Variants in CRACD observed in about 807,000 individuals in gnomAD.
CRACD encodes capping protein-inhibiting regulator of actin dynamics.
In CRACD, 56 loss-of-function variants were observed where a neutral mutation model predicts 106.8. The observed-to-expected ratio is 0.52, with a 90% CI of 0.42 to 0.66. The LOEUF (loss-of-function observed/expected upper bound fraction) is 0.66. Ranked by LOEUF, CRACD falls within the 30% of genes least tolerant of loss-of-function variation. The pLI, the probability that CRACD is intolerant of heterozygous loss-of-function variation, is 0.00. For missense variants in CRACD, 1,730 were observed against 1,623.2 expected, an observed-to-expected ratio of 1.07 and a Z score of -1.13; for synonymous variants, 754 against 670.8, an observed-to-expected ratio of 1.12 and a Z score of -1.92.
At chr4:56,323,866 T>C (rs1348565152) in intron 9 of CRACD, among the ~76,000 whole-genome samples, 1 of 152,360 alleles carries the variant, frequency 6.6e-6, no homozygotes, top group East Asian at 1.9e-4. Context: ...CCAGATGTTA[T>C]AGTCAGTTTG....
chr4:56,184,996 G>A (rs867496644), intron 2 of CRACD, among the ~76,000 whole-genome samples: 2 of 152,050 alleles, frequency 1.3e-5, no homozygotes, highest in South Asian at 2.1e-4. Flanking sequence ...TTGCTCAGTC[G>A]CCCAGGCTGG....
chr4:56,119,347 TTCTGAGACAG>T (rs926223558), intron 1 of CRACD, among the ~76,000 whole-genome samples: 3 of 152,248 alleles, frequency 2.0e-5, no homozygotes, highest in African/African-American at 7.2e-5. Context: ...TTTTCTTTTT[TTCTGAGACAG>T]TCTTCCTCTG....
intron 3 of CRACD, among the ~76,000 whole-genome samples, chr4:56,293,310 A>T (rs997487516): frequency 1.1e-4 from 16 of 152,210 alleles, no homozygotes; most frequent in Non-Finnish European, 2.1e-4. Context: ...AATTTTCCAA[A>T]GCTGATGAAA....
At chr4:56,252,295 A>C (rs1741099954) in intron 2 of CRACD, among the ~76,000 whole-genome samples, 1 of 152,098 alleles carries the variant, frequency 6.6e-6, no homozygotes, top group South Asian at 2.1e-4. Flanking sequence ...ACCATCTCTA[A>C]CACCACCAAA....
chr4:56,316,061 C>CT lies in CRACD; in HGVS notation c.2560dup (p.Tyr854LeufsTer69). ...TTGGAATAAAATTGAGAAGGACCAA[C>CT]TATTCCTTGCGCTTCAACTGCGACC... is the stretch of plus-strand genomic sequence containing the variant. On this transcript the variant is annotated frameshift_variant, in exon 8 of 11. Coordinates refer to ENST00000682029, the MANE Select transcript of CRACD (RefSeq NM_001393381.1). LOFTEE classifies it high-confidence loss of function. 6.2e-7 allele frequency: 1 copy of CT among 1,614,226 alleles called. No individual in the cohort carries two copies. Among genetic ancestry groups the CT allele is most frequent in the Non-Finnish European group, 8.5e-7 (1 of 1,180,042 alleles).
chr4:56,308,779 T>G, intron 5 of CRACD: 1 of 1,238,426 alleles, frequency 8.1e-7, no homozygotes, highest in Non-Finnish European at 1.0e-6. Context: ...AAAATTGCTC[T>G]TCCCAACCTC....
intron 1 of CRACD, among the ~76,000 whole-genome samples, chr4:56,147,530 G>A (rs934738062): frequency 1.3e-5 from 2 of 152,118 alleles, no homozygotes; most frequent in Non-Finnish European, 1.5e-5. Flanking sequence ...TATAATATGT[G>A]ACCTTTGGTG....
chr4:56,138,854 A>C (rs1735094957), intron 1 of CRACD, among the ~76,000 whole-genome samples: 2 of 152,218 alleles, frequency 1.3e-5, no homozygotes, highest in Non-Finnish European at 2.9e-5. Flanking sequence ...CAAAGAAAAC[A>C]CATTTGATGA....
intron 1 of CRACD, among the ~76,000 whole-genome samples, chr4:56,135,563 C>T (rs551084595): frequency 4.7e-4 from 71 of 152,320 alleles, no homozygotes; most frequent in African/African-American, 1.7e-3. Context: ...TCTTCACATC[C>T]ATCTGTGTTT....
At chr4:56,296,761 C>T (rs570211783) in intron 3 of CRACD, among the ~76,000 whole-genome samples, 1 of 152,296 alleles carries the variant, frequency 6.6e-6, no homozygotes, top group South Asian at 2.1e-4. Flanking sequence ...TGCCTTGCTG[C>T]TCTTCCTGCC....
chr4:56,315,994 C>A lies in CRACD; in HGVS notation c.2492C>A (p.Pro831Gln). The A allele has an allele frequency of 1.2e-6, 2 of 1,614,258 alleles. No individual in the cohort carries two copies. Among genetic ancestry groups the A allele is most frequent in the Non-Finnish European group, 1.7e-6 (2 of 1,180,044 alleles). ...DSETANGIAK[P>Q]DPVMPGGEEK... ...GAGACTGCAAACGGGATAGCAAAGCCAGACCCTGTGATGCCAGGTGGAGAG... is the reference window on the plus strand; with the variant it reads ...GAGACTGCAAACGGGATAGCAAAGCAAGACCCTGTGATGCCAGGTGGAGAG... Residue 831 changes from proline (P) to glutamine (Q), a missense_variant, in exon 8 of 11, where the codon CCA becomes CAA. Physicochemically the swap from Pro to Gln is moderately conservative, Grantham distance 76 (BLOSUM62 -1). Transcript: ENST00000682029. The surrounding 1 kb of genome is among the most constrained non-coding windows in gnomAD (Gnocchi z 4.1).
chr4:56,275,569 A>G (rs753316175), intron 3 of CRACD, among the ~76,000 whole-genome samples: 19 of 152,254 alleles, frequency 1.2e-4, no homozygotes, highest in Non-Finnish European at 2.6e-4. Flanking sequence ...ACATATGTTG[A>G]TTATGGTATA....
At chr4:56,235,815 ATC>A (rs1465022735) in intron 2 of CRACD, among the ~76,000 whole-genome samples, 2 of 152,220 alleles carry the variant, frequency 1.3e-5, no homozygotes, top group Non-Finnish European at 2.9e-5. Flanking sequence ...AACTACATGT[ATC>A]TATATCTGCG....
At chr4:56,313,439 T>G in intron 7 of CRACD, 60 bp downstream of exon 7, 1 of 1,485,448 alleles carries the variant, frequency 6.7e-7, no homozygotes, top group South Asian at 1.2e-5. Flanking sequence ...GCACTAATTC[T>G]ACAAGTGGGT....
At chr4:56,223,860 G>T (rs1267986655) in intron 2 of CRACD, among the ~76,000 whole-genome samples, 1 of 152,216 alleles carries the variant, frequency 6.6e-6, no homozygotes, top group African/African-American at 2.4e-5. Context: ...ATGGGCTCAA[G>T]TGATTCTACC....
chr4:56,158,583 A>G (rs931649000), intron 1 of CRACD, among the ~76,000 whole-genome samples: 15 of 152,308 alleles, frequency 9.8e-5, no homozygotes, highest in East Asian at 9.7e-4. Flanking sequence ...AAATCTCAGC[A>G]TAAGACCGCC....
At chr4:56,310,815 C>T in intron 6 of CRACD, 81 bp downstream of exon 6, 1 of 696,440 alleles carries the variant, frequency 1.4e-6, no homozygotes, top group Non-Finnish European at 2.4e-6. Flanking sequence ...TTTTTTGCGA[C>T]CTGCTGCCTC....
chr4:56,292,543 G>A (rs1252269892), intron 3 of CRACD, among the ~76,000 whole-genome samples: 1 of 142,118 alleles, frequency 7.0e-6, no homozygotes, highest in Non-Finnish European at 1.5e-5. Flanking sequence ...TTTTTTTTTT[G>A]AGACAGAGTC....
At chr4:56,176,556 G>C (rs1317578758) in intron 1 of CRACD, among the ~76,000 whole-genome samples, 1 of 151,312 alleles carries the variant, frequency 6.6e-6, no homozygotes, top group East Asian at 1.9e-4. Flanking sequence ...AGCCTCCCGA[G>C]TAGCTGGGAC....
Sources: gnomAD v4.1 joint callset for allele counts (sites outside exome capture counted in the v4.1 genomes callset) on GRCh38, gnomAD v4.1.1 for gene constraint, Gnocchi (gnomAD v3.1) non-coding constraint, MANE v1.5 for transcripts, NCBI Gene and HGNC (gene_info 2026-07-23, HGNC 2026-07-21) for gene names.